The following AGBL4 variants were observed in gnomAD, a reference collection of about 807,000 sequenced individuals.
AGBL4 encodes cytosolic carboxypeptidase 6.
In AGBL4, 58 loss-of-function variants were observed where a neutral mutation model predicts 66.4. The observed-to-expected ratio is 0.87, with a 90% CI of 0.71 to 1.09. The LOEUF is 1.09. AGBL4 is among the 50% of genes least tolerant of loss of function. The pLI is 0.00. For missense variants in AGBL4, 579 were observed against 631.0 expected, an observed-to-expected ratio of 0.92 and a Z score of 0.88; for synonymous variants, 234 against 222.9, an observed-to-expected ratio of 1.05 and a Z score of -0.44.
chr1:49,704,866 G>A (rs1327529661), intron 2 of AGBL4, among the ~76,000 whole-genome samples: 1 of 152,124 alleles, frequency 6.6e-6, no homozygotes, highest in Non-Finnish European at 1.5e-5. Context: ...GTACTGTGAT[G>A]CCTCCAGCTT....
At chr1:48,657,619 C>T (rs777019046) in intron 7 of AGBL4, among the ~76,000 whole-genome samples, 34 of 152,186 alleles carry the variant, frequency 2.2e-4, no homozygotes, top group Non-Finnish European at 4.1e-4. Flanking sequence ...GGCTCTGCAG[C>T]GGCCAAGGTT....
chr1:49,158,260 T>C (rs1390059216), intron 4 of AGBL4, among the ~76,000 whole-genome samples: 8 of 152,108 alleles, frequency 5.3e-5, no homozygotes, highest in African/African-American at 1.7e-4. Context: ...ATTCAGGACA[T>C]AGACATGGGC....
At chr1:48,872,710 T>G (rs1476989908) in intron 5 of AGBL4, among the ~76,000 whole-genome samples, 1 of 151,030 alleles carries the variant, frequency 6.6e-6, no homozygotes, top group Non-Finnish European at 1.5e-5. Flanking sequence ...TTCTGAAGAG[T>G]GCTGGATTCA....
intron 2 of AGBL4, among the ~76,000 whole-genome samples, chr1:49,831,452 T>A (rs1304637613): frequency 6.6e-6 from 1 of 152,234 alleles, no homozygotes; most frequent in East Asian, 1.9e-4. Flanking sequence ...TTTTGCATAT[T>A]GATTTTGTAT....
chr1:48,860,139 A>C (rs1647349830), intron 6 of AGBL4, among the ~76,000 whole-genome samples: 1 of 152,216 alleles, frequency 6.6e-6, no homozygotes, highest in African/African-American at 2.4e-5. Context: ...ACAGGAAAAG[A>C]ATACGGTACT....
chr1:49,910,244 C>T (rs536090616), intron 1 of AGBL4, among the ~76,000 whole-genome samples: 17 of 152,158 alleles, frequency 1.1e-4, no homozygotes, highest in Non-Finnish European at 2.1e-4. Context: ...AGAGAGTGGT[C>T]TCAGAAGCTA....
chr1:48,869,277 C>T (rs573698009), intron 5 of AGBL4, among the ~76,000 whole-genome samples: 1 of 152,314 alleles, frequency 6.6e-6, no homozygotes, highest in African/African-American at 2.4e-5. Flanking sequence ...AAACACCCAC[C>T]CACGCATGTG....
intron 1 of AGBL4, among the ~76,000 whole-genome samples, chr1:49,903,623 C>A (rs749314194): frequency 6.6e-6 from 1 of 151,988 alleles, no homozygotes; most frequent in African/African-American, 2.4e-5. Context: ...CCATAGATTT[C>A]TATAAGAATT....
At chr1:49,090,183 A>G (rs1057283103) in intron 4 of AGBL4, among the ~76,000 whole-genome samples, 1 of 152,134 alleles carries the variant, frequency 6.6e-6, no homozygotes, top group Non-Finnish European at 1.5e-5. Flanking sequence ...GAACAAGATA[A>G]GAATGCTCAC....
intron 6 of AGBL4, among the ~76,000 whole-genome samples, chr1:48,862,228 C>T (rs1341109427): frequency 6.6e-6 from 1 of 152,228 alleles, no homozygotes; most frequent in Non-Finnish European, 1.5e-5. Context: ...CCAGAGCTAG[C>T]ACATGGACCT....
chr1:49,835,280 G>A (rs1291171328), intron 2 of AGBL4, among the ~76,000 whole-genome samples: 1 of 152,138 alleles, frequency 6.6e-6, no homozygotes, highest in Non-Finnish European at 1.5e-5. Flanking sequence ...ATGTATTTAG[G>A]ATAGTTAGCT....
At chr1:48,850,168 A>G (rs1296757463) in intron 6 of AGBL4, among the ~76,000 whole-genome samples, 2 of 152,172 alleles carry the variant, frequency 1.3e-5, no homozygotes, top group African/African-American at 2.4e-5. Context: ...ATACTTTGAG[A>G]ACAAATGGAG....
intron 1 of AGBL4, among the ~76,000 whole-genome samples, chr1:50,019,466 A>G (rs1014571673): frequency 1.3e-5 from 2 of 151,990 alleles, no homozygotes; most frequent in Non-Finnish European, 2.9e-5. Flanking sequence ...TACAGGTACT[A>G]AAACAAAAAA....
chr1:49,763,659 A>G (rs1005927436), intron 2 of AGBL4, among the ~76,000 whole-genome samples: 1 of 152,136 alleles, frequency 6.6e-6, no homozygotes, highest in African/African-American at 2.4e-5. Context: ...GATAATCCAC[A>G]CTTCTGCAAT....
At chr1:49,171,272 T>C (rs942933550) in intron 4 of AGBL4, among the ~76,000 whole-genome samples, 1 of 152,194 alleles carries the variant, frequency 6.6e-6, no homozygotes, top group Non-Finnish European at 1.5e-5. Context: ...AAAGGCATCA[T>C]TCAAAATCAT....
At chr1:49,701,159 G>A (rs1015807983) in intron 2 of AGBL4, among the ~76,000 whole-genome samples, 2 of 152,014 alleles carry the variant, frequency 1.3e-5, no homozygotes, top group African/African-American at 2.4e-5. Context: ...AACCATTCAT[G>A]GTGGTGCCTG....
At chr1:49,847,721 A>C (rs1457899412) in intron 2 of AGBL4, among the ~76,000 whole-genome samples, 7 of 146,480 alleles carry the variant, frequency 4.8e-5, no homozygotes, top group African/African-American at 1.8e-4. Context: ...TTTTTTTTTG[A>C]GATGGAGTCT....
intron 9 of AGBL4, among the ~76,000 whole-genome samples, chr1:48,618,555 T>G (rs1645357094): frequency 6.6e-6 from 1 of 152,202 alleles, no homozygotes; most frequent in Non-Finnish European, 1.5e-5. Flanking sequence ...TGAAGTTTTC[T>G]GGCTCCACAT....
chr1:48,864,935 C>T (rs916377486), intron 6 of AGBL4, among the ~76,000 whole-genome samples: 15 of 151,992 alleles, frequency 9.9e-5, no homozygotes, highest in Non-Finnish European at 2.1e-4. Flanking sequence ...TATCGCTACT[C>T]TTTTCTGCAT....
Sources: gnomAD v4.1 joint callset for allele counts (sites outside exome capture counted in the v4.1 genomes callset) on GRCh38, gnomAD v4.1.1 for gene constraint, MANE v1.5 for transcripts, NCBI Gene and HGNC (gene_info 2026-07-23, HGNC 2026-07-21) for gene names.